Variants in AXIN1 observed in about 807,000 individuals in gnomAD.
AXIN1 encodes axin 1.
Under a neutral mutation model 76.4 loss-of-function variants are expected in AXIN1, and 30 were observed. That is an observed-to-expected ratio of 0.39 (90% CI 0.29 to 0.53). AXIN1 has a LOEUF of 0.53. Among genes scored for constraint, AXIN1 ranks in the 20% least tolerant of loss-of-function variants. The pLI, the probability that AXIN1 is intolerant of heterozygous loss-of-function variation, is 0.66. For missense variants in AXIN1, 1,140 were observed against 1,198.8 expected (o/e 0.95, Z 0.72); for synonymous variants, 545 against 501.4 (o/e 1.09, Z -1.16).
intron 1 of AXIN1, among the ~76,000 whole-genome samples, chr16:350,786 AAC>A (rs1265871348): frequency 6.6e-6 from 1 of 152,228 alleles, no homozygotes; most frequent in Non-Finnish European, 1.5e-5. Flanking sequence ...ATCAAACAAA[AAC>A]AGTCTGTTTT....
chr16:351,384 C>T (rs993675117), intron 1 of AXIN1, among the ~76,000 whole-genome samples: 2 of 152,160 alleles, frequency 1.3e-5, no homozygotes, highest in Non-Finnish European at 2.9e-5. Flanking sequence ...CCAAAGTGGG[C>T]AGATCACCTG....
chr16:346,342 T>G lies in AXIN1; in HGVS notation c.684A>C (p.Ser228=), dbSNP rs1270719411. Residue 228 remains serine, a synonymous_variant, in exon 2 of 11, where the codon TCA becomes TCC. Transcript: ENST00000262320. ...PKVCSDQSSG[S]GTGKGISGYL... ...ATCCAGATATGCCCTTCCCTGTCCCTGACCCAGAGCTCTGGTCACTACAGA... is the reference window on the plus strand; with the variant it reads ...ATCCAGATATGCCCTTCCCTGTCCCGGACCCAGAGCTCTGGTCACTACAGA... 5.0e-6 allele frequency: 8 copies of G among 1,614,132 alleles called. No homozygotes were observed. The South Asian group carries it at 8.8e-5, about 18-fold the overall frequency.
intron 8 of AXIN1, chr16:292,905 G>A (rs2052606945): frequency 7.4e-6 from 1 of 134,520 alleles, no homozygotes; most frequent in African/African-American, 3.0e-5. Context: ...CTGTGGGCTG[G>A]ACGTCCCGGA....
chr16:293,326 G>A lies in AXIN1; in HGVS notation c.2186+162C>T. ...TCCACCGCAGGGTGGCCTGCCACGT[G>A]GCCCCTCAGTGGTTCTCAGTGGATG... On this transcript the variant is annotated intron_variant, in intron 8 of 10. Transcript: ENST00000262320. This position sits in a 1 kb window ranked among gnomAD's most constrained non-coding sequence, Gnocchi z 4.6. The A allele has an allele frequency of 1.4e-6, 1 of 719,040 alleles. No homozygotes were observed. Among genetic ancestry groups the A allele is most frequent in the South Asian group, 1.8e-5 (1 of 55,188 alleles). The allele number at this position is 719,040 out of a possible 1,614,324, so 44.5% of individuals were successfully genotyped here.
At chr16:327,998 G>A (rs939339374) in intron 2 of AXIN1, among the ~76,000 whole-genome samples, 4 of 152,150 alleles carry the variant, frequency 2.6e-5, no homozygotes, top group Non-Finnish European at 4.4e-5. Flanking sequence ...CCTGTAATCC[G>A]AGCACTGTAG....
chr16:331,773 T>A (rs1272118533), intron 2 of AXIN1, among the ~76,000 whole-genome samples: 1 of 152,168 alleles, frequency 6.6e-6, no homozygotes, highest in African/African-American at 2.4e-5. Flanking sequence ...CCAAAGCTAA[T>A]GGAATTTCCA....
In AXIN1 at chr16:298,768, G is replaced by GTA. The variant is rs1293591745; in HGVS notation, c.1255-519_1255-518dup. Among the ~76,000 whole-genome samples the GTA allele has an allele frequency of 1.5e-4, 22 of 150,566 alleles. 1 individual carries two copies. Among genetic ancestry groups the GTA allele is most frequent in the African/African-American group, 3.4e-4 (14 of 41,010 alleles). On this transcript the variant is annotated intron_variant, in intron 5 of 10. Coordinates refer to ENST00000262320, the MANE Select transcript of AXIN1 (RefSeq NM_003502.4). ...TCAAGCAATCTGCCTGCCTTGGCCT[G>GTA]TATATATATATATTTTTTGAGACAG... is the stretch of plus-strand genomic sequence containing the variant.
intron 2 of AXIN1, among the ~76,000 whole-genome samples, chr16:342,332 G>A (rs1336214938): frequency 1.3e-5 from 2 of 152,148 alleles, no homozygotes; most frequent in Non-Finnish European, 2.9e-5. Flanking sequence ...CTCACGGCAA[G>A]GGTCCGCGGC....
At chr16:290,818 G>T (rs964059492) in intron 9 of AXIN1, 1 of 385,552 alleles carries the variant, frequency 2.6e-6, no homozygotes, top group African/African-American at 2.1e-5. Flanking sequence ...CTGCAGCCCC[G>T]AGCCTGGTCA....
intron 2 of AXIN1, among the ~76,000 whole-genome samples, chr16:332,331 A>C (rs975634351): frequency 6.6e-6 from 1 of 152,132 alleles, no homozygotes; most frequent in Non-Finnish European, 1.5e-5. Flanking sequence ...TAATCCCAGC[A>C]CTTTGGGAGG....
intron 1 of AXIN1, among the ~76,000 whole-genome samples, chr16:347,577 G>A (rs1212540415): frequency 6.6e-6 from 1 of 152,214 alleles, no homozygotes; most frequent in Admixed American, 6.5e-5. Flanking sequence ...AGAGAGAAAG[G>A]AAGGTGCGCT....
intron 9 of AXIN1, chr16:290,784 G>A: frequency 2.8e-6 from 1 of 359,928 alleles, no homozygotes; most frequent in Non-Finnish European, 5.4e-6. Flanking sequence ...ACTGCAAGCA[G>A]ACGCACCCCG....
rs2141593575 is a variant in AXIN1, at chr16:314,628, G to C, written c.934C>G (p.Leu312Val). 6.2e-7 allele frequency: 1 copy of C among 1,614,052 alleles called. No individual in the cohort carries two copies. The highest frequency in any genetic ancestry group is 8.5e-7 in the Non-Finnish European group (1 of 1,180,028). Residue 312 changes from leucine (L) to valine (V), a missense_variant, in exon 3 of 11, where the codon CTG becomes GTG. Leu to Val is a conservative substitution (Grantham distance 32). Around this residue, in one of 3 missense-constraint regions of AXIN1, gnomAD observed 708 missense variants for 776.9 expected, o/e 0.91. Transcript: ENST00000262320. The stretch of plus-strand genomic sequence containing the variant: ...TCGTTGGCACTGGTGGCTGGGGCCA[G>C]GGCATAGCCGGCATTGACATAATAG... ...NPYYVNAGYA[L>V]APATSANDSE... is the part of the protein sequence containing the mutation.
chr16:287,616 G>A lies in AXIN1; in HGVS notation c.*506C>T, dbSNP rs764852968. ...GAGGACCCAGGACTGCACAGCCGGC[G>A]GCTGGAGGCAGGTGCAGTGCTCCGT... On this transcript the variant is annotated 3_prime_UTR_variant, in exon 11 of 11. Coordinates refer to ENST00000262320, the MANE Select transcript of AXIN1 (RefSeq NM_003502.4). The A allele has an allele frequency of 7.7e-5, 24 of 311,818 alleles. No homozygotes were observed. The highest frequency in any genetic ancestry group is 1.2e-4 in the South Asian group (2 of 16,548). 19.3% of individuals were successfully genotyped at this position (311,818 alleles called of 1,614,324 possible).
intron 2 of AXIN1, among the ~76,000 whole-genome samples, chr16:345,457 G>C (rs2054015001): frequency 6.6e-6 from 1 of 152,260 alleles, no homozygotes; most frequent in African/African-American, 2.4e-5. Flanking sequence ...GCTCACGCCT[G>C]TAATCCCAAC....
chr16:303,914 G>A (rs1005801294), intron 5 of AXIN1, among the ~76,000 whole-genome samples: 5 of 152,198 alleles, frequency 3.3e-5, no homozygotes, highest in Admixed American at 1.3e-4. Flanking sequence ...CACGCCACTA[G>A]CCCTTCCTGC....
At chr16:329,620 T>G (rs182337340) in intron 2 of AXIN1, among the ~76,000 whole-genome samples, 1 of 151,622 alleles carries the variant, frequency 6.6e-6, no homozygotes, top group East Asian at 2.0e-4. Flanking sequence ...TAATTTTTGT[T>G]TTTTTTTGTT....
rs188012132 is a variant in AXIN1 at position 321,053 on chromosome 16, T to G, written c.879-6370A>C. Among the ~76,000 whole-genome samples, 198 of 152,262 alleles carry G rather than the reference T, an allele frequency of 1.3e-3. 1 individual carries two copies. The highest frequency in any genetic ancestry group is 4.6e-3 in the African/African-American group (193 of 41,566). On this transcript the variant is annotated intron_variant, in intron 2 of 10. Coordinates refer to ENST00000262320, the MANE Select transcript of AXIN1 (RefSeq NM_003502.4). ...GCGCCTGCCCACAAAAAATGTTTCA[T>G]GCCAAAAGACCACCTGGTGTGACGG...
chr16:302,546 C>T (rs555861646), intron 5 of AXIN1, among the ~76,000 whole-genome samples: 1 of 152,358 alleles, frequency 6.6e-6, no homozygotes, highest in Non-Finnish European at 1.5e-5. Context: ...TAAGGTCTGC[C>T]TGCCATCTCA....
Sources: gnomAD v4.1 joint callset for allele counts (sites outside exome capture counted in the v4.1 genomes callset) on GRCh38, gnomAD v4.1.1 for gene constraint, gnomAD v4.1.1 regional missense constraint, Gnocchi (gnomAD v3.1) non-coding constraint, MANE v1.5 for transcripts, NCBI Gene and HGNC (gene_info 2026-07-23, HGNC 2026-07-21) for gene names.